Variants in CNKSR2 observed in about 807,000 individuals in gnomAD.
CNKSR2 encodes connector enhancer of kinase suppressor of Ras 2.
Under a neutral mutation model 84.4 loss-of-function variants are expected in CNKSR2, and 14 were observed. That is an observed-to-expected ratio of 0.17 (90% CI 0.11 to 0.26). The LOEUF (loss-of-function observed/expected upper bound fraction) is 0.26, where lower values mean the gene tolerates loss of function less well. CNKSR2 is among the 10% of genes least tolerant of loss of function. CNKSR2 has a pLI of 1.00. For synonymous variants in CNKSR2, 275 were observed against 277.9 expected (o/e 0.99, Z 0.10); for missense variants, 485 against 771.2 (o/e 0.63, Z 4.40).
chrX:21,497,818 TC>T lies in CNKSR2; in HGVS notation c.715del (p.His239MetfsTer2). The T allele has an allele frequency of 1.1e-6, 1 of 949,210 alleles. No individual in the cohort carries two copies. Among genetic ancestry groups the T allele is most frequent in the Non-Finnish European group, 1.5e-6 (1 of 656,585 alleles). 78.2% of individuals were successfully genotyped at this position (949,210 alleles called of 1,213,427 possible). A position where few individuals can be genotyped will look rare whatever the true frequency, so the allele number is the denominator to read the frequency against. ...GMYIKSTYDG[L>X]HVITGTTENS... ...TATATTAAATCTACATATGATGGCC[TC>T]CATGTAATTACTGGAACCACAGAAA... On this transcript the variant is annotated frameshift_variant, in exon 7 of 22. Coordinates refer to ENST00000379510, the MANE Select transcript of CNKSR2 (RefSeq NM_014927.5). LOFTEE classifies it high-confidence loss of function.
At chrX:21,585,856 G>T (rs1412851628) in intron 13 of CNKSR2, among the ~76,000 whole-genome samples, 1 of 111,334 alleles carries the variant, frequency 9.0e-6, no homozygotes, top group African/African-American at 3.3e-5. Flanking sequence ...TGATGTTTTT[G>T]GAAAAAATGA....
At chrX:21,480,899 T>C (rs767261007) in intron 5 of CNKSR2, among the ~76,000 whole-genome samples, 2 of 112,093 alleles carry the variant, frequency 1.8e-5, no homozygotes, top group South Asian at 7.4e-4. Flanking sequence ...ATATTTGATA[T>C]TTACTTGCCA....
chrX:21,558,705 A>G (rs2092160911), intron 11 of CNKSR2, among the ~76,000 whole-genome samples: 1 of 111,273 alleles, frequency 9.0e-6, no homozygotes, highest in South Asian at 3.7e-4. Flanking sequence ...GCAAAATATA[A>G]TGAATACAAT....
Position 21,559,520 on chromosome X carries a change from A to G in CNKSR2, c.1304-1951A>G, listed in dbSNP as rs144836016. On this transcript the variant is annotated intron_variant, in intron 11 of 21. Transcript: ENST00000379510. ...ATCTCTATCCAGGGGTGTGTTGCTT[A>G]CTGTTATAATGAACAAAGGGTCGGT... Among the ~76,000 whole-genome samples, 979 of 111,527 alleles carry G rather than the reference A, an allele frequency of 8.8e-3. 8 individuals are homozygous for G. Among genetic ancestry groups the G allele is most frequent in the African/African-American group, 0.029 (888 of 30,790 alleles).
chrX:21,618,785 C>T (rs918466013), intron 20 of CNKSR2, among the ~76,000 whole-genome samples: 44 of 111,976 alleles, frequency 3.9e-4, no homozygotes, highest in African/African-American at 1.4e-3. Context: ...TCCAAACATG[C>T]ATTCATGCAT....
chrX:21,436,354 C>T (rs2090704946), intron 3 of CNKSR2, among the ~76,000 whole-genome samples: 1 of 111,477 alleles, frequency 9.0e-6, no homozygotes, highest in Non-Finnish European at 1.9e-5. Flanking sequence ...ATTTCTGAAT[C>T]GTTAATAACC....
intron 13 of CNKSR2, among the ~76,000 whole-genome samples, chrX:21,573,347 T>C (rs1229867243): frequency 1.8e-5 from 2 of 112,039 alleles, no homozygotes; most frequent in East Asian, 5.6e-4. Context: ...GTCTGTAGGA[T>C]GGTGGCCCTC....
intron 4 of CNKSR2, among the ~76,000 whole-genome samples, chrX:21,452,504 G>A (rs2090946727): frequency 9.0e-6 from 1 of 111,501 alleles, no homozygotes; most frequent in South Asian, 3.7e-4. Flanking sequence ...AAAACAATTA[G>A]CCTTTCTTTT....
chrX:21,421,421 T>C (rs1187192437), intron 1 of CNKSR2, among the ~76,000 whole-genome samples: 1 of 109,198 alleles, frequency 9.2e-6, no homozygotes, highest in Non-Finnish European at 1.9e-5. Context: ...ATTAAATTGG[T>C]GTCCTTGCGG....
intron 13 of CNKSR2, among the ~76,000 whole-genome samples, chrX:21,574,332 C>A (rs906051353): frequency 8.9e-6 from 1 of 111,732 alleles, no homozygotes; most frequent in African/African-American, 3.3e-5. Context: ...TATAGCAGCA[C>A]CCCACTCTAC....
At chrX:21,439,814 A>T (rs938225888) in intron 3 of CNKSR2, among the ~76,000 whole-genome samples, 1 of 110,826 alleles carries the variant, frequency 9.0e-6, no homozygotes, top group African/African-American at 3.3e-5. Flanking sequence ...CTGCAGGCTC[A>T]AATGATTTCA....
intron 7 of CNKSR2, among the ~76,000 whole-genome samples, chrX:21,498,450 T>TA (rs957449787): frequency 2.9e-5 from 3 of 104,318 alleles, no homozygotes; most frequent in South Asian, 3.8e-4. Context: ...CGAACCACCA[T>TA]AAGCAGTGGG....
intron 5 of CNKSR2, among the ~76,000 whole-genome samples, chrX:21,488,665 A>G (rs1269984710): frequency 8.9e-6 from 1 of 111,846 alleles, no homozygotes; most frequent in Admixed American, 9.5e-5. Context: ...AAGTGAGGCC[A>G]TGGACCAAGG....
chrX:21,498,361 A>G (rs2091524020), intron 7 of CNKSR2, among the ~76,000 whole-genome samples: 1 of 111,488 alleles, frequency 9.0e-6, no homozygotes, highest in South Asian at 3.8e-4. Context: ...CCCCAGACCT[A>G]CTAAATCAGA....
At chrX:21,433,174 A>G in intron 3 of CNKSR2, among the ~76,000 whole-genome samples, 1 of 111,662 alleles carries the variant, frequency 9.0e-6, no homozygotes, top group Non-Finnish European at 1.9e-5. Context: ...TAAGGAAATG[A>G]CCATTGGGAT....
At chrX:21,624,457 G>A (rs1055237580) in intron 20 of CNKSR2, among the ~76,000 whole-genome samples, 1 of 111,841 alleles carries the variant, frequency 8.9e-6, no homozygotes, top group Admixed American at 9.5e-5. Flanking sequence ...GGCACAAACT[G>A]CTATTTTTCT....
At chrX:21,614,730 C>A (rs2092568688) in intron 20 of CNKSR2, among the ~76,000 whole-genome samples, 1 of 111,460 alleles carries the variant, frequency 9.0e-6, no homozygotes, top group African/African-American at 3.3e-5. Flanking sequence ...TTTAATTACA[C>A]CTCCATTTTT....
At chrX:21,389,935 G>A (rs745931298) in intron 1 of CNKSR2, among the ~76,000 whole-genome samples, 97 of 111,708 alleles carry the variant, frequency 8.7e-4, no homozygotes, top group Non-Finnish European at 1.5e-3. Flanking sequence ...TTTACCTTTT[G>A]CTAATCAGGA....
At chrX:21,559,610 T>C (rs1228631337) in intron 11 of CNKSR2, among the ~76,000 whole-genome samples, 1 of 111,404 alleles carries the variant, frequency 9.0e-6, no homozygotes, top group East Asian at 2.8e-4. Context: ...TGTAGATAGC[T>C]GTGTTTGAAT....
Sources: allele counts gnomAD v4.1 joint callset (sites outside exome capture counted in the v4.1 genomes callset), GRCh38; gene constraint gnomAD v4.1.1; transcripts MANE v1.5; gene names NCBI Gene and HGNC (gene_info 2026-07-23, HGNC 2026-07-21).